The following SMARCA2 variants were observed in gnomAD, a reference collection of about 807,000 sequenced individuals.
The protein encoded by SMARCA2 is SWI/SNF-related matrix-associated actin-dependent regulator of chromatin subfamily A member 2.
SMARCA2 carries 61 observed loss-of-function variants against 199.8 expected under a neutral mutation model. That is an observed-to-expected ratio of 0.31 (90% CI 0.25 to 0.38). The LOEUF is 0.38. SMARCA2 is among the 10% of genes least tolerant of loss of function. SMARCA2 has a pLI of 1.00. For missense variants in SMARCA2, 1,344 were observed against 2,012.2 expected, an observed-to-expected ratio of 0.67 and a Z score of 6.35; for synonymous variants, 935 against 732.0, an observed-to-expected ratio of 1.28 and a Z score of -4.48.
At chr9:2,164,886 C>T (rs758069865) in intron 28 of SMARCA2, among the ~76,000 whole-genome samples, 2 of 152,096 alleles carry the variant, frequency 1.3e-5, no homozygotes, top group Non-Finnish European at 2.9e-5. Flanking sequence ...TACTAAATTT[C>T]CCACCACTGA....
intron 2 of SMARCA2, among the ~76,000 whole-genome samples, chr9:2,031,966 C>A (rs1188948081): frequency 2.0e-5 from 3 of 152,166 alleles, no homozygotes; most frequent in Non-Finnish European, 4.4e-5. Context: ...TCTATTATTA[C>A]TATTTAACAG....
intron 31 of SMARCA2, among the ~76,000 whole-genome samples, chr9:2,185,075 T>C (rs1425816939): frequency 6.6e-6 from 1 of 152,216 alleles, no homozygotes; most frequent in Non-Finnish European, 1.5e-5. Flanking sequence ...AATTTTTCAG[T>C]ATACAGTTCA....
At position 2,047,147 on chromosome 9, in the gene SMARCA2, C is replaced by T. The variant is rs1231822521; in HGVS notation, c.791-82C>T. 15 of 981,216 alleles carry T rather than the reference C, an allele frequency of 1.5e-5. No individual in the cohort carries two copies. The East Asian group carries it at 2.7e-4, about 18-fold the overall frequency. The allele number at this position is 981,216 out of a possible 1,614,324, so 60.8% of individuals were successfully genotyped here. A position where few individuals can be genotyped will look rare whatever the true frequency, so the allele number is the denominator to read the frequency against. On this transcript the variant is annotated intron_variant, in intron 4 of 33. Coordinates refer to ENST00000349721, the MANE Select transcript of SMARCA2 (RefSeq NM_003070.5). ...ACACTTAATGGTCCCCAGCACTGGGCCCCGGGGGGCGGCGGGCAGGCCGGG... is the reference window on the plus strand; with the variant it reads ...ACACTTAATGGTCCCCAGCACTGGGTCCCGGGGGGCGGCGGGCAGGCCGGG...
intron 5 of SMARCA2, among the ~76,000 whole-genome samples, chr9:2,051,676 GAT>G (rs1382135780): frequency 3.9e-5 from 6 of 152,196 alleles, no homozygotes; most frequent in Non-Finnish European, 7.3e-5. Context: ...TGAGTTCTAG[GAT>G]ATTCAAATAA....
intron 14 of SMARCA2, among the ~76,000 whole-genome samples, chr9:2,078,687 G>T (rs188218255): frequency 4.6e-5 from 7 of 152,256 alleles, no homozygotes; most frequent in African/African-American, 1.7e-4. Flanking sequence ...GCTCACGCCT[G>T]TAATCCCAGC....
chr9:2,147,515 C>T (rs1425164563), intron 27 of SMARCA2, among the ~76,000 whole-genome samples: 1 of 152,232 alleles, frequency 6.6e-6, no homozygotes, highest in Non-Finnish European at 1.5e-5. Context: ...TAATCTTTCT[C>T]ACAGAAATAA....
At chr9:2,124,940 G>GT (rs1823623452) in intron 27 of SMARCA2, among the ~76,000 whole-genome samples, 1 of 152,144 alleles carries the variant, frequency 6.6e-6, no homozygotes, top group African/African-American at 2.4e-5. Flanking sequence ...GTGTAGTTGG[G>GT]TAAAAACCAA....
rs368992760 is a variant in SMARCA2 at position 2,170,897 on chromosome 9, A to G, written c.4253+425A>G. 1.1e-4 allele frequency among the ~76,000 whole-genome samples: 17 copies of G among 152,340 alleles called. No homozygotes were observed. In the East Asian group the frequency reaches 1.3e-3, roughly 12 times the overall value. The stretch of plus-strand genomic sequence containing the variant: ...TGACTTGATCTCCTGCGAGACATGA[A>G]GAAGCGTGCATGTTCACGCTGTGTC... On this transcript the variant is annotated intron_variant, in intron 29 of 33. Coordinates refer to ENST00000349721, the MANE Select transcript of SMARCA2 (RefSeq NM_003070.5). This position sits in a 1 kb window ranked among gnomAD's most constrained non-coding sequence, Gnocchi z 4.7.
At chr9:2,038,945 G>C (rs1819454152) in intron 3 of SMARCA2, among the ~76,000 whole-genome samples, 1 of 152,138 alleles carries the variant, frequency 6.6e-6, no homozygotes, top group Non-Finnish European at 1.5e-5. Context: ...AGATATATCA[G>C]GTTATGTTCT....
In SMARCA2 at chr9:2,083,325, G is replaced by GT. The variant is rs766737229; in HGVS notation, c.2349-10dup. The GT allele has an allele frequency of 0.16, 162,645 of 1,026,632 alleles. 13 individuals are homozygous for GT. The highest frequency in any genetic ancestry group is 0.17 in the South Asian group (10,031 of 59,062). The allele number at this position is 1,026,632 out of a possible 1,614,324, so 63.6% of individuals were successfully genotyped here. ...TTTATACAAATGTCTTTTTTCTGTT[G>GT]TTTTTTTTTTTTGTTCCATAGGACT... On this transcript the variant is annotated intron_variant, in intron 15 of 33. Transcript: ENST00000349721.
At chr9:2,084,730 A>G (rs1164081444) in intron 17 of SMARCA2, among the ~76,000 whole-genome samples, 2 of 152,044 alleles carry the variant, frequency 1.3e-5, no homozygotes, top group African/African-American at 2.4e-5. Flanking sequence ...ATAGACTATC[A>G]TTGTTGGAGT....
intron 25 of SMARCA2, among the ~76,000 whole-genome samples, chr9:2,116,918 A>G (rs905264777): frequency 2.0e-5 from 3 of 152,196 alleles, no homozygotes; most frequent in Non-Finnish European, 2.9e-5. Context: ...TTCATTGCAT[A>G]TATTAGATAT....
intron 14 of SMARCA2, 67 bp downstream of exon 14, chr9:2,077,843 T>C: frequency 7.0e-7 from 1 of 1,438,144 alleles, no homozygotes; most frequent in Non-Finnish European, 9.5e-7. Context: ...TTGAAGTATG[T>C]CGTGCACATG....
rs1823182850 is a variant in SMARCA2, at chr9:2,115,608, G to C, written c.3457-214G>C. On this transcript the variant is annotated intron_variant, in intron 24 of 33. Transcript: ENST00000349721. This position sits in a 1 kb window ranked among gnomAD's most constrained non-coding sequence, Gnocchi z 6.0. ...ATTTCAAAACCTGAGATGTATTTCA[G>C]TTGGCTTGGTTAATTTCAACCCAGG... 6.6e-6 allele frequency among the ~76,000 whole-genome samples: 1 copy of C among 152,180 alleles called. No homozygotes were observed. The highest frequency in any genetic ancestry group is 1.5e-5 in the Non-Finnish European group (1 of 68,026).
At chr9:2,184,646 C>G (rs1178786660) in intron 31 of SMARCA2, among the ~76,000 whole-genome samples, 1 of 152,136 alleles carries the variant, frequency 6.6e-6, no homozygotes, top group Non-Finnish European at 1.5e-5. Flanking sequence ...AGTACCACAC[C>G]TGGCCCAAGA....
chr9:2,015,452 C>A (rs1472428287), intron 1 of SMARCA2, 48 bp downstream of exon 1: 1 of 153,194 alleles, frequency 6.5e-6, no homozygotes, highest in Non-Finnish European at 1.5e-5. Flanking sequence ...TCCCTTCGGC[C>A]GCCCCGCTGC....
intron 2 of SMARCA2, among the ~76,000 whole-genome samples, chr9:2,030,570 G>C (rs77582903): frequency 0.13 from 18,983 of 147,136 alleles, 1,514 homozygotes; most frequent in African/African-American, 0.21. Context: ...TCTTATTCAG[G>C]CCCTCCATGG....
rs114817860 is a variant in SMARCA2 at position 2,179,734 on chromosome 9, A to T, written c.4254-1837A>T. The stretch of plus-strand genomic sequence containing the variant: ...TACAGAGATGTGCCTGTACTCCATC[A>T]ATAGAAACATGACACCATCTGTTGG... On this transcript the variant is annotated intron_variant, in intron 29 of 33. Transcript: ENST00000349721. Among the ~76,000 whole-genome samples the T allele has an allele frequency of 6.2e-3, 948 of 152,290 alleles. 12 individuals carry two copies. Among genetic ancestry groups the T allele is most frequent in the African/African-American group, 0.021 (878 of 41,548 alleles).
chr9:2,026,360 A>G (rs945938585), intron 1 of SMARCA2, among the ~76,000 whole-genome samples: 2 of 152,208 alleles, frequency 1.3e-5, no homozygotes, highest in Non-Finnish European at 2.9e-5. Context: ...TTCCAATTAT[A>G]TGCCCGTAAT....
Sources: allele counts gnomAD v4.1 joint callset (sites outside exome capture counted in the v4.1 genomes callset), GRCh38; gene constraint gnomAD v4.1.1; non-coding constraint Gnocchi (gnomAD v3.1); transcripts MANE v1.5; gene names NCBI Gene and HGNC (gene_info 2026-07-23, HGNC 2026-07-21).